Variants in FGF13 observed in about 807,000 individuals in gnomAD.
The protein encoded by FGF13 is fibroblast growth factor homologous factor 2.
A neutral mutation model predicts 19.5 loss-of-function variants in FGF13; 2 were observed. The ratio of observed to expected loss-of-function variants is 0.10; its 90% CI spans 0.04 to 0.32. FGF13 has a LOEUF of 0.32. FGF13 is among the 10% of genes least tolerant of loss of function. The pLI, the probability that FGF13 is intolerant of heterozygous loss-of-function variation, is 1.00. For missense variants in FGF13, 113 were observed against 192.7 expected (o/e 0.59, Z 2.45); for synonymous variants, 72 against 76.9 (o/e 0.94, Z 0.33).
chrX:139,095,408 CTG>C (rs1186436879), intron 1 of FGF13, among the ~76,000 whole-genome samples: 1 of 111,840 alleles, frequency 8.9e-6, no homozygotes, highest in East Asian at 2.8e-4. Flanking sequence ...ACCTGAAAAA[CTG>C]ACTGTGGAAC....
chrX:138,733,235 CTG>C (rs1387909602), intron 1 of FGF13, among the ~76,000 whole-genome samples: 1 of 111,572 alleles, frequency 9.0e-6, no homozygotes, highest in African/African-American at 3.2e-5. Context: ...CTTACAGAAA[CTG>C]TAACTGGGAT....
At chrX:139,030,301 A>G (rs1241141247) in intron 1 of FGF13, among the ~76,000 whole-genome samples, 1 of 111,600 alleles carries the variant, frequency 9.0e-6, no homozygotes, top group African/African-American at 3.3e-5. Flanking sequence ...TAACGACTTG[A>G]GTAAATGGCA....
chrX:139,089,111 G>A (rs1271792611), intron 1 of FGF13, among the ~76,000 whole-genome samples: 2 of 111,959 alleles, frequency 1.8e-5, no homozygotes, highest in African/African-American at 6.5e-5. Context: ...TAAGACAGGT[G>A]GTTACCCAGA....
chrX:139,116,100 G>A (rs1336747748), intron 1 of FGF13, among the ~76,000 whole-genome samples: 2 of 112,044 alleles, frequency 1.8e-5, no homozygotes, highest in African/African-American at 6.5e-5. Context: ...AGACTAAAGG[G>A]AAGTGTTCCC....
intron 3 of FGF13, among the ~76,000 whole-genome samples, chrX:138,779,056 C>T (rs1436355231): frequency 2.1e-4 from 24 of 112,232 alleles, no homozygotes. Flanking sequence ...CAGGGGCACA[C>T]TGACACCTCA....
chrX:138,703,116 T>G, intron 2 of FGF13, 29 bp from the exon 3 acceptor site: 3 of 1,079,423 alleles, frequency 2.8e-6, no homozygotes, highest in Non-Finnish European at 2.6e-6. Flanking sequence ...ATGAAAACAG[T>G]GTTACAATTC....
chrX:139,017,107 T>C (rs866662349), intron 1 of FGF13, among the ~76,000 whole-genome samples: 1 of 101,983 alleles, frequency 9.8e-6, no homozygotes, highest in African/African-American at 3.5e-5. Flanking sequence ...CACACACACA[T>C]ATATGTAATG....
intron 1 of FGF13, among the ~76,000 whole-genome samples, chrX:139,073,842 C>T (rs1349532983): frequency 8.9e-6 from 1 of 112,316 alleles, no homozygotes; most frequent in Non-Finnish European, 1.9e-5. Flanking sequence ...AATTGGACAC[C>T]GTGCAAAATT....
At chrX:139,112,494 C>T in intron 1 of FGF13, among the ~76,000 whole-genome samples, 1 of 111,524 alleles carries the variant, frequency 9.0e-6, no homozygotes, top group South Asian at 3.8e-4. Context: ...ACAGTCTAAC[C>T]TTAAGATATT....
intron 1 of FGF13, among the ~76,000 whole-genome samples, chrX:139,155,452 G>A (rs1309063748): frequency 8.9e-6 from 1 of 111,776 alleles, no homozygotes; most frequent in Non-Finnish European, 1.9e-5. Context: ...GTATCTACTA[G>A]AAAGAAAGTC....
rs144364371 is a variant in FGF13, at chrX:138,831,223, G to C, written c.217+26289C>G. 5.9e-4 allele frequency among the ~76,000 whole-genome samples: 66 copies of C among 112,003 alleles called. 1 individual carries two copies. The East Asian group carries it at 7.3e-3, about 12-fold the overall frequency. On this transcript the variant is annotated intron_variant, in intron 3 of 6. Transcript: ENST00000436198. Reference sequence around the variant, plus strand: ...TTCAAAGGATGTTGTGGACTGCCTGGGGGCTTAATTAGAAACTTGTCACAG... The same window carrying C: ...TTCAAAGGATGTTGTGGACTGCCTGCGGGCTTAATTAGAAACTTGTCACAG...
At chrX:138,859,487 T>A (rs2091277176) in intron 2 of FGF13, among the ~76,000 whole-genome samples, 1 of 112,466 alleles carries the variant, frequency 8.9e-6, no homozygotes, top group South Asian at 3.7e-4. Flanking sequence ...ATAAGGAATT[T>A]GTTATTCAGA....
intron 1 of FGF13, among the ~76,000 whole-genome samples, chrX:139,180,533 G>C (rs1274138549): frequency 9.0e-6 from 1 of 111,420 alleles, no homozygotes; most frequent in Non-Finnish European, 1.9e-5. Flanking sequence ...GTTTCTCTCT[G>C]TATGAAAAAA....
intron 1 of FGF13, among the ~76,000 whole-genome samples, chrX:138,948,892 T>C (rs1398564890): frequency 8.9e-6 from 1 of 111,943 alleles, no homozygotes; most frequent in Non-Finnish European, 1.9e-5. Flanking sequence ...AGAACTATAT[T>C]GTCTTATTAC....
chrX:138,882,453 C>A (rs1156818894), intron 1 of FGF13, among the ~76,000 whole-genome samples: 1 of 111,907 alleles, frequency 8.9e-6, no homozygotes, highest in Non-Finnish European at 1.9e-5. Context: ...TTGGCATTAT[C>A]AGGTTGGAAT....
intron 1 of FGF13, among the ~76,000 whole-genome samples, chrX:139,123,191 A>G (rs1312414288): frequency 9.0e-6 from 1 of 111,654 alleles, no homozygotes; most frequent in Non-Finnish European, 1.9e-5. Context: ...GCCTCCCACA[A>G]GTTTATTCTC....
chrX:138,832,291 T>C (rs1005660862), intron 3 of FGF13, among the ~76,000 whole-genome samples: 3 of 112,233 alleles, frequency 2.7e-5, no homozygotes, highest in Non-Finnish European at 5.6e-5. Flanking sequence ...TGCATAAGTG[T>C]TCCTTTTTCT....
intron 3 of FGF13, among the ~76,000 whole-genome samples, chrX:138,817,841 G>A (rs1037714586): frequency 3.6e-5 from 4 of 112,381 alleles, no homozygotes; most frequent in Admixed American, 9.5e-5. Flanking sequence ...GAATCACATA[G>A]TAAATACTTT....
chrX:138,963,873 A>G (rs947811416), intron 1 of FGF13, among the ~76,000 whole-genome samples: 2 of 112,041 alleles, frequency 1.8e-5, no homozygotes, highest in African/African-American at 6.5e-5. Flanking sequence ...TGTGGTCCCA[A>G]TCAGCTAGCT....
Sources: allele counts gnomAD v4.1 joint callset (sites outside exome capture counted in the v4.1 genomes callset), GRCh38; gene constraint gnomAD v4.1.1; transcripts MANE v1.5; gene names NCBI Gene and HGNC (gene_info 2026-07-23, HGNC 2026-07-21).